The following SOX11 variants were observed in gnomAD, a reference collection of about 807,000 sequenced individuals.
SOX11 encodes transcription factor SOX-11.
SOX11 carries 5 observed loss-of-function variants against 16.7 expected under a neutral mutation model. That is an observed-to-expected ratio of 0.30 (90% CI 0.16 to 0.63). The LOEUF (loss-of-function observed/expected upper bound fraction) is 0.63. Among genes scored for constraint, SOX11 ranks in the 20% least tolerant of loss-of-function variants. The probability of loss-of-function intolerance (pLI) is 0.82; values close to 1 mark genes in which losing one functional copy is unlikely to be tolerated. For synonymous variants in SOX11, 363 were observed against 298.8 expected (o/e 1.21, Z -2.22); for missense variants, 492 against 641.5 (o/e 0.77, Z 2.52).
In SOX11 at chr2:5,694,140, G is replaced by T. The variant is rs1422047255; in HGVS notation, c.*93G>T. On this transcript the variant is annotated 3_prime_UTR_variant, in exon 1 of 1. Coordinates refer to ENST00000322002, the MANE Select transcript of SOX11 (RefSeq NM_003108.4). ...TGGTGATGATGATGATGATAATGAT[G>T]ATGATGATGGTGGTGTTGATGGTGG... 1.4e-6 allele frequency: 2 copies of T among 1,433,490 alleles called. 1 individual carries two copies. The highest frequency in any genetic ancestry group is 2.9e-5 in the South Asian group (2 of 69,270). The allele number at this position is 1,433,490 out of a possible 1,614,324, so 88.8% of individuals were successfully genotyped here. A position where few individuals can be genotyped will look rare whatever the true frequency, so the allele number is the denominator to read the frequency against.
In SOX11 at chr2:5,693,772, A is replaced by AGCGGCAGCAGCG; in HGVS notation, c.1055_1066dup (p.Gly352_Gly355dup). The AGCGGCAGCAGCG allele has an allele frequency of 3.8e-6, 6 of 1,569,676 alleles. No homozygotes were observed. Among genetic ancestry groups the AGCGGCAGCAGCG allele is most frequent in the Non-Finnish European group, 5.2e-6 (6 of 1,159,058 alleles). On this transcript the variant is annotated inframe_insertion, in exon 1 of 1. Coordinates refer to ENST00000322002, the MANE Select transcript of SOX11 (RefSeq NM_003108.4). This position sits in a 1 kb window ranked among gnomAD's most constrained non-coding sequence, Gnocchi z 8.6. ...CTCGTCCAGCAGCAGCGGCAGCAGC[A>AGCGGCAGCAGCG]GCGGCAGCAGCGGCGAGGACGCCGA...
rs1170070652 is a variant in SOX11, at chr2:5,700,841, A to G, written c.*6794A>G. 1 of 166,814 alleles carries G rather than the reference A, an allele frequency of 6.0e-6. No homozygotes were observed. The highest frequency in any genetic ancestry group is 1.5e-5 in the Non-Finnish European group (1 of 68,136). 10.3% of individuals were successfully genotyped at this position (166,814 alleles called of 1,614,324 possible). ...ACAAGTGTGTATTTTCCAAGGCCAC[A>G]TGAAACTTACTTTCTTAGCCACTCC... On this transcript the variant is annotated 3_prime_UTR_variant, in exon 1 of 1. Transcript: ENST00000322002.
chr2:5,693,291 C>A lies in SOX11; in HGVS notation c.570C>A (p.Asp190Glu). Reference sequence around the variant, plus strand: ...CGGGCAAGGCGGCCCAGTCCGGGGACTACGGGGGCGCGGGCGACGACTACG... The same window carrying A: ...CGGGCAAGGCGGCCCAGTCCGGGGAATACGGGGGCGCGGGCGACGACTACG... ...AGAGKAAQSG[D>E]YGGAGDDYVL... Residue 190 changes from aspartate (D) to glutamate (E), a missense_variant, in exon 1 of 1, where the codon GAC becomes GAA. By Grantham distance (45) the Asp-to-Glu change is conservative. Coordinates refer to ENST00000322002, the MANE Select transcript of SOX11 (RefSeq NM_003108.4). This position sits in a 1 kb window ranked among gnomAD's most constrained non-coding sequence, Gnocchi z 8.6. 3 of 1,523,736 alleles carry A rather than the reference C, an allele frequency of 2.0e-6. No homozygotes were observed. Among genetic ancestry groups the A allele is most frequent in the Non-Finnish European group, 2.6e-6 (3 of 1,143,120 alleles). 94.4% of individuals were successfully genotyped at this position (1,523,736 alleles called of 1,614,324 possible). A position where few individuals can be genotyped will look rare whatever the true frequency, so the allele number is the denominator to read the frequency against.
chr2:5,693,174 C>T lies in SOX11; in HGVS notation c.453C>T (p.Gly151=), dbSNP rs575881723. 1.3e-6 allele frequency: 2 copies of T among 1,560,106 alleles called. No homozygotes were observed. The highest frequency in any genetic ancestry group is 3.8e-5 in the Admixed American group (2 of 53,162). The part of the protein sequence containing the change: ...SAAGGGGGSA[G]GGAGGAKTSK... ...CCGGCGGCGGCGGCGGGAGCGCGGGCGGAGGCGCGGGCGGTGCCAAGACCT... is the reference window on the plus strand; with the variant it reads ...CCGGCGGCGGCGGCGGGAGCGCGGGTGGAGGCGCGGGCGGTGCCAAGACCT... Residue 151 remains glycine, a synonymous_variant, in exon 1 of 1, where the codon GGC becomes GGT. Coordinates refer to ENST00000322002, the MANE Select transcript of SOX11 (RefSeq NM_003108.4). The surrounding 1 kb of genome is among the most constrained non-coding windows in gnomAD (Gnocchi z 8.6).
chr2:5,693,218 A>G lies in SOX11; in HGVS notation c.497A>G (p.Lys166Arg), dbSNP rs752975676. 123 of 1,492,362 alleles carry G rather than the reference A, an allele frequency of 8.2e-5. No homozygotes were observed. Among genetic ancestry groups the G allele is most frequent in the Non-Finnish European group, 9.9e-5 (112 of 1,129,624 alleles). The allele number at this position is 1,492,362 out of a possible 1,614,324, so 92.4% of individuals were successfully genotyped here. A position where few individuals can be genotyped will look rare whatever the true frequency, so the allele number is the denominator to read the frequency against. Residue 166 changes from lysine (K) to arginine (R), a missense_variant, in exon 1 of 1, where the codon AAA becomes AGA. Lys to Arg is a conservative substitution (Grantham distance 26). Transcript: ENST00000322002. The surrounding 1 kb of genome is among the most constrained non-coding windows in gnomAD (Gnocchi z 8.6). ...AAGACCTCCAAGGGCTCCAGCAAGAAATGCGGCAAGCTCAAGGCCCCCGCG... is the reference window on the plus strand; with the variant it reads ...AAGACCTCCAAGGGCTCCAGCAAGAGATGCGGCAAGCTCAAGGCCCCCGCG... ...GAKTSKGSSKKCGKLKAPAAA... is the reference protein window; with the variant it reads ...GAKTSKGSSKRCGKLKAPAAA...
At position 5,698,839 on chromosome 2, in the gene SOX11, C is replaced by A. The variant is rs1018172554; in HGVS notation, c.*4792C>A. 1.8e-5 allele frequency: 3 copies of A among 166,984 alleles called. No individual in the cohort carries two copies. The highest frequency in any genetic ancestry group is 3.8e-4 in the East Asian group (2 of 5,196). 10.3% of individuals were successfully genotyped at this position (166,984 alleles called of 1,614,324 possible). On this transcript the variant is annotated 3_prime_UTR_variant, in exon 1 of 1. Coordinates refer to ENST00000322002, the MANE Select transcript of SOX11 (RefSeq NM_003108.4). The stretch of plus-strand genomic sequence containing the variant: ...CAAGACTTATTTTTCTCTTCTGGGA[C>A]TTGAAATCATAATCATCTGATATTA...
Position 5,694,077 on chromosome 2 carries a change from G to A in SOX11, c.*30G>A, listed in dbSNP as rs753374051. On this transcript the variant is annotated 3_prime_UTR_variant, in exon 1 of 1. Transcript: ENST00000322002. Reference sequence around the variant, plus strand: ...CGCCCGCTGCTCGCTCTTTCTCTCGGAGGGTGCAGAGCTGGGTTCCTTGGG... The same window carrying A: ...CGCCCGCTGCTCGCTCTTTCTCTCGAAGGGTGCAGAGCTGGGTTCCTTGGG... The A allele has an allele frequency of 1.7e-5, 26 of 1,536,608 alleles. No homozygotes were observed. The African/African-American group carries it at 2.6e-4, about 15-fold the overall frequency.
Position 5,699,246 on chromosome 2 carries a change from G to A in SOX11, c.*5199G>A, listed in dbSNP as rs1572220004. ...TACTGAGTTGTCAATTTTATCAGTA[G>A]ATAAGAAACTTTCTTTATTACAGTT... On this transcript the variant is annotated 3_prime_UTR_variant, in exon 1 of 1. Coordinates refer to ENST00000322002, the MANE Select transcript of SOX11 (RefSeq NM_003108.4). 1.2e-5 allele frequency: 2 copies of A among 166,838 alleles called. No homozygotes were observed. The highest frequency in any genetic ancestry group is 4.8e-5 in the African/African-American group (2 of 41,450). The allele number at this position is 166,838 out of a possible 1,614,324, so 10.3% of individuals were successfully genotyped here.
Position 5,692,775 on chromosome 2 carries a change from G to A in SOX11, c.54G>A (p.Ala18=), listed in dbSNP as rs776765619. The change falls in exon 1 of 1, where the codon GCG becomes GCA. Residue 18 remains alanine, a synonymous_variant. Transcript: ENST00000322002. ...LEAESNLPRE[A]LDTEEGEFMA... is the part of the protein sequence containing the mutation. ...CGGAGAGCAACCTGCCCCGGGAGGC[G>A]CTGGACACGGAGGAGGGCGAATTCA... 3 of 1,611,262 alleles carry A rather than the reference G, an allele frequency of 1.9e-6. No homozygotes were observed. The highest frequency in any genetic ancestry group is 1.1e-5 in the South Asian group (1 of 90,784).
Position 5,693,439 on chromosome 2 carries a change from A to G in SOX11, c.718A>G (p.Lys240Glu). 6.3e-7 allele frequency: 1 copy of G among 1,591,782 alleles called. No individual in the cohort carries two copies. The highest frequency in any genetic ancestry group is 8.5e-7 in the Non-Finnish European group (1 of 1,177,142). ...DDDDELQLQI[K>E]QEPDEEDEEP... is the part of the protein sequence containing the mutation. ...CGACGACGAGCTGCAGCTGCAGATC[A>G]AACAGGAGCCGGACGAGGAGGACGA... The change falls in exon 1 of 1, where the codon AAA becomes GAA. Residue 240 changes from lysine (K) to glutamate (E), a missense_variant. By Grantham distance (56) the Lys-to-Glu change is moderately conservative. Around this residue, in one of 4 missense-constraint regions of SOX11, gnomAD observed 389 missense variants for 389.0 expected, o/e 1.00. Transcript: ENST00000322002. The surrounding 1 kb of genome is among the most constrained non-coding windows in gnomAD (Gnocchi z 8.6).
At position 5,696,994 on chromosome 2, in the gene SOX11, AC is replaced by A; in HGVS notation, c.*2952del. 1 of 154,258 alleles carries A rather than the reference AC, an allele frequency of 6.5e-6. No individual in the cohort carries two copies. 9.6% of individuals were successfully genotyped at this position (154,258 alleles called of 1,614,324 possible). ...CGCTGAACCCCGTTTGCCTGTCCAC[AC>A]CCCCTCGCTCCCCACCATTTTTCCT... On this transcript the variant is annotated 3_prime_UTR_variant, in exon 1 of 1. Coordinates refer to ENST00000322002, the MANE Select transcript of SOX11 (RefSeq NM_003108.4).
chr2:5,699,576 T>C lies in SOX11; in HGVS notation c.*5529T>C, dbSNP rs1399227881. On this transcript the variant is annotated 3_prime_UTR_variant, in exon 1 of 1. Coordinates refer to ENST00000322002, the MANE Select transcript of SOX11 (RefSeq NM_003108.4). Reference sequence around the variant, plus strand: ...TTTAATGATCTGGAAAATTCTGCTCTTTGATAACAACTCAGGATTTTTTTG... The same window carrying C: ...TTTAATGATCTGGAAAATTCTGCTCCTTGATAACAACTCAGGATTTTTTTG... 2 of 166,940 alleles carry C rather than the reference T, an allele frequency of 1.2e-5. No homozygotes were observed. Among genetic ancestry groups the C allele is most frequent in the African/African-American group, 4.8e-5 (2 of 41,458 alleles). 10.3% of individuals were successfully genotyped at this position (166,940 alleles called of 1,614,324 possible).
rs985627175 is a variant in SOX11, at chr2:5,697,030, G to C, written c.*2983G>C. ...CCCCACCATTTTTCCTGACCGGCCTGTGTCCCCGAGCCCTCGCGGCAGGCC... is the reference window on the plus strand; with the variant it reads ...CCCCACCATTTTTCCTGACCGGCCTCTGTCCCCGAGCCCTCGCGGCAGGCC... On this transcript the variant is annotated 3_prime_UTR_variant, in exon 1 of 1. Coordinates refer to ENST00000322002, the MANE Select transcript of SOX11 (RefSeq NM_003108.4). The C allele has an allele frequency of 4.5e-5, 7 of 156,278 alleles. No homozygotes were observed. Among genetic ancestry groups the C allele is most frequent in the Non-Finnish European group, 7.3e-5 (5 of 68,070 alleles). The allele number at this position is 156,278 out of a possible 1,614,324, so 9.7% of individuals were successfully genotyped here.
At position 5,700,137 on chromosome 2, in the gene SOX11, T is replaced by G. The variant is rs763078970; in HGVS notation, c.*6090T>G. On this transcript the variant is annotated 3_prime_UTR_variant, in exon 1 of 1. Transcript: ENST00000322002. ...ACTTCTCTACAGAGAAACAAACCAC[T>G]AAAAGCAATATGACCGAGTTGAGAT... is the stretch of plus-strand genomic sequence containing the variant. The G allele has an allele frequency of 6.0e-6, 1 of 167,052 alleles. No individual in the cohort carries two copies. The highest frequency in any genetic ancestry group is 1.9e-4 in the East Asian group (1 of 5,190). 10.3% of individuals were successfully genotyped at this position (167,052 alleles called of 1,614,324 possible).
chr2:5,693,845 G>A lies in SOX11; in HGVS notation c.1124G>A (p.Ser375Asn), dbSNP rs1449180406. The A allele has an allele frequency of 2.6e-6, 4 of 1,551,102 alleles. No individual in the cohort carries two copies. Among genetic ancestry groups the A allele is most frequent in the African/African-American group, 2.7e-5 (2 of 73,072 alleles). The stretch of plus-strand genomic sequence containing the variant: ...TTGAATTTCTCTCAAAGCGCGCACA[G>A]CGCCAGCGAGCAGCAGCTGGGGGGC... ...LSLNFSQSAH[S>N]ASEQQLGGGA... Residue 375 changes from serine (S) to asparagine (N), a missense_variant, in exon 1 of 1, where the codon AGC becomes AAC. Physicochemically the swap from Ser to Asn is conservative, Grantham distance 46. Around this residue, in one of 4 missense-constraint regions of SOX11, gnomAD observed 389 missense variants for 389.0 expected, o/e 1.00. Transcript: ENST00000322002. The surrounding 1 kb of genome is among the most constrained non-coding windows in gnomAD (Gnocchi z 8.6).
Position 5,695,233 on chromosome 2 carries a change from A to C in SOX11, c.*1186A>C, listed in dbSNP as rs1399117721. 6.0e-6 allele frequency: 1 copy of C among 166,414 alleles called. No homozygotes were observed. Among genetic ancestry groups the C allele is most frequent in the Admixed American group, 6.6e-5 (1 of 15,220 alleles). The allele number at this position is 166,414 out of a possible 1,614,324, so 10.3% of individuals were successfully genotyped here. A position where few individuals can be genotyped will look rare whatever the true frequency, so the allele number is the denominator to read the frequency against. ...AAAAAAAGCAAACTTTTTTTTGTAC[A>C]GCTATAGTAGAGATTTGTTCAATAT... On this transcript the variant is annotated 3_prime_UTR_variant, in exon 1 of 1. Coordinates refer to ENST00000322002, the MANE Select transcript of SOX11 (RefSeq NM_003108.4).
chr2:5,694,482 C>T lies in SOX11; in HGVS notation c.*435C>T, dbSNP rs566496457. On this transcript the variant is annotated 3_prime_UTR_variant, in exon 1 of 1. Coordinates refer to ENST00000322002, the MANE Select transcript of SOX11 (RefSeq NM_003108.4). ...GGGGGAGGGGAGGTAGGACCCGCTC[C>T]GGAAGGCGCTGTTTGAAGCTTGTCG... is the stretch of plus-strand genomic sequence containing the variant. 4 of 329,840 alleles carry T rather than the reference C, an allele frequency of 1.2e-5. No individual in the cohort carries two copies. Among genetic ancestry groups the T allele is most frequent in the Admixed American group, 5.0e-5 (1 of 20,158 alleles). 20.4% of individuals were successfully genotyped at this position (329,840 alleles called of 1,614,324 possible).
Position 5,693,122 on chromosome 2 carries a change from C to T in SOX11, c.401C>T (p.Ala134Val), listed in dbSNP as rs374256122. The T allele has an allele frequency of 7.4e-6, 12 of 1,611,766 alleles. No individual in the cohort carries two copies. The African/African-American group carries it at 1.3e-4, about 18-fold the overall frequency. Residue 134 changes from alanine (A) to valine (V), a missense_variant, in exon 1 of 1, where the codon GCC becomes GTC. Around this residue, in one of 4 missense-constraint regions of SOX11, gnomAD observed 389 missense variants for 389.0 expected, o/e 1.00. Transcript: ENST00000322002. The surrounding 1 kb of genome is among the most constrained non-coding windows in gnomAD (Gnocchi z 8.6). ...ATGGACCCCTCGGCCAAGCCCAGCGCCAGCCAGAGCCCAGAGAAGAGCGCG... is the reference window on the plus strand; with the variant it reads ...ATGGACCCCTCGGCCAAGCCCAGCGTCAGCCAGAGCCCAGAGAAGAGCGCG... ...PKMDPSAKPS[A>V]SQSPEKSAAG...
In SOX11 at chr2:5,697,693, T is replaced by C. The variant is rs752048151; in HGVS notation, c.*3646T>C. ...TCAATATAGAACTGGATTTCTGGAG[T>C]TGTTTACCTTACCCCACACCCCCTC... On this transcript the variant is annotated 3_prime_UTR_variant, in exon 1 of 1. Transcript: ENST00000322002. 2 of 166,992 alleles carry C rather than the reference T, an allele frequency of 1.2e-5. No homozygotes were observed. Among genetic ancestry groups the C allele is most frequent in the Admixed American group, 6.5e-5 (1 of 15,278 alleles). The allele number at this position is 166,992 out of a possible 1,614,324, so 10.3% of individuals were successfully genotyped here.
Sources: allele counts gnomAD v4.1 joint callset, GRCh38; gene constraint gnomAD v4.1.1; regional missense constraint gnomAD v4.1.1; non-coding constraint Gnocchi (gnomAD v3.1); transcripts MANE v1.5; gene names NCBI Gene and HGNC (gene_info 2026-07-23, HGNC 2026-07-21).